The following PI4KA variants were observed in gnomAD, a reference collection of about 807,000 sequenced individuals.
PI4KA encodes phosphatidylinositol 4-kinase alpha, also known as PI4-kinase alpha.
In PI4KA, 122 loss-of-function variants were observed where a neutral mutation model predicts 271.4. That is an observed-to-expected ratio of 0.45 (90% CI 0.39 to 0.52). The LOEUF is 0.52. Ranked by LOEUF, PI4KA falls within the 20% of genes least tolerant of loss-of-function variation. The pLI is 0.00. For synonymous variants in PI4KA, 1,041 were observed against 1,078.8 expected, an observed-to-expected ratio of 0.96 and a Z score of 0.69; for missense variants, 1,969 against 2,769.1, an observed-to-expected ratio of 0.71 and a Z score of 6.48.
chr22:20,798,400 T>C, intron 17 of PI4KA, 184 bp downstream of exon 17: 1 of 583,666 alleles, frequency 1.7e-6, no homozygotes, highest in Non-Finnish European at 3.1e-6. Flanking sequence ...GCTGAGATGC[T>C]CAGTGGTCAC....
intron 1 of PI4KA, among the ~76,000 whole-genome samples, chr22:20,849,971 G>C (rs956973050): frequency 1.3e-4 from 20 of 152,180 alleles, no homozygotes; most frequent in African/African-American, 4.8e-4. Flanking sequence ...TGGTTGTCTA[G>C]GGATGGGGCT....
intron 42 of PI4KA, among the ~76,000 whole-genome samples, chr22:20,722,823 C>T (rs113620598): frequency 2.0e-5 from 3 of 152,306 alleles, no homozygotes; most frequent in Admixed American, 6.5e-5. Flanking sequence ...GAAGTCTTCA[C>T]TTTGGGTTTC....
At chr22:20,830,279 T>C (rs1359328433) in intron 3 of PI4KA, among the ~76,000 whole-genome samples, 1 of 152,250 alleles carries the variant, frequency 6.6e-6, no homozygotes, top group African/African-American at 2.4e-5. Flanking sequence ...AGCCTCTTCA[T>C]AGGTCTCTAA....
chr22:20,760,402 G>A (rs983446565), intron 23 of PI4KA, among the ~76,000 whole-genome samples: 2 of 152,112 alleles, frequency 1.3e-5, no homozygotes, highest in African/African-American at 4.8e-5. Flanking sequence ...TGGCCAAAAA[G>A]TGCTTATACG....
chr22:20,713,083 CGG>C (rs1925520324), intron 48 of PI4KA, 196 bp downstream of exon 48: 1 of 694,272 alleles, frequency 1.4e-6, no homozygotes, highest in Non-Finnish European at 2.5e-6. Flanking sequence ...ACTGGCATGG[CGG>C]GGACAGTGGG....
intron 1 of PI4KA, among the ~76,000 whole-genome samples, chr22:20,852,686 A>G (rs1279924557): frequency 1.3e-5 from 2 of 152,120 alleles, no homozygotes; most frequent in African/African-American, 4.8e-5. Flanking sequence ...TTCTTAACAT[A>G]GCCTCACAAA....
intron 24 of PI4KA, 21 bp downstream of exon 24, chr22:20,753,089 A>T (rs767447101): frequency 6.2e-7 from 1 of 1,614,052 alleles, no homozygotes; most frequent in Non-Finnish European, 8.5e-7. Context: ...ACAGACACGC[A>T]TTCATGCTGG....
chr22:20,715,865 A>G (rs1434529255), intron 45 of PI4KA, among the ~76,000 whole-genome samples: 3 of 152,042 alleles, frequency 2.0e-5, no homozygotes, highest in Admixed American at 6.5e-5. Context: ...TAACAGCTAC[A>G]ATACCTAATG....
intron 47 of PI4KA, 105 bp downstream of exon 47, chr22:20,714,353 C>T (rs1400582835): frequency 4.6e-5 from 69 of 1,501,958 alleles, no homozygotes; most frequent in Non-Finnish European, 5.8e-5. Context: ...GGACAGACAT[C>T]ATCTTTTATG....
At chr22:20,714,992 A>C (rs1457520549) in intron 45 of PI4KA, among the ~76,000 whole-genome samples, 1 of 151,822 alleles carries the variant, frequency 6.6e-6, no homozygotes, top group African/African-American at 2.4e-5. Flanking sequence ...ATACAGCCCT[A>C]CTGCTTCTGG....
intron 19 of PI4KA, among the ~76,000 whole-genome samples, chr22:20,778,796 C>CCA (rs1361174879): frequency 2.0e-5 from 3 of 152,146 alleles, no homozygotes. Context: ...CTGGGCACTT[C>CCA]CACTCCTACC....
chr22:20,830,576 T>C lies in PI4KA; in HGVS notation c.367+3986A>G, dbSNP rs186771472. Among the ~76,000 whole-genome samples, 15 of 152,286 alleles carry C rather than the reference T, an allele frequency of 9.8e-5. No individual in the cohort carries two copies. The East Asian group carries it at 1.7e-3, about 18-fold the overall frequency. On this transcript the variant is annotated intron_variant, in intron 3 of 54. Transcript: ENST00000255882. ...TTGGTCTCTTAAAGACAGCATACCATTGGGTCTTGCTTCTTTATCCAATTT... is the reference window on the plus strand; with the variant it reads ...TTGGTCTCTTAAAGACAGCATACCACTGGGTCTTGCTTCTTTATCCAATTT...
intron 6 of PI4KA, among the ~76,000 whole-genome samples, 177 bp from the exon 7 acceptor site, chr22:20,818,726 C>G (rs1046578744): frequency 3.9e-5 from 6 of 152,172 alleles, no homozygotes; most frequent in Non-Finnish European, 2.9e-5. Context: ...TGCTATATCA[C>G]TAAATTCTTT....
At chr22:20,722,250 A>G (rs968338962) in intron 42 of PI4KA, among the ~76,000 whole-genome samples, 1 of 152,114 alleles carries the variant, frequency 6.6e-6, no homozygotes, top group African/African-American at 2.4e-5. Context: ...GCAGTGGTAC[A>G]ATCTCAGCTC....
At chr22:20,831,098 GTAA>G (rs1924105459) in intron 3 of PI4KA, among the ~76,000 whole-genome samples, 1 of 152,110 alleles carries the variant, frequency 6.6e-6, no homozygotes, top group Admixed American at 6.6e-5. Context: ...GTAGTGGTTG[GTAA>G]TAATCTTTCC....
At chr22:20,716,773 G>C (rs1324625226) in intron 45 of PI4KA, among the ~76,000 whole-genome samples, 1 of 152,244 alleles carries the variant, frequency 6.6e-6, no homozygotes, top group Non-Finnish European at 1.5e-5. Flanking sequence ...CGGGAACAGA[G>C]GCCCTGCATA....
At chr22:20,849,303 A>C (rs1002577854) in intron 1 of PI4KA, among the ~76,000 whole-genome samples, 55 of 152,336 alleles carry the variant, frequency 3.6e-4, no homozygotes, top group African/African-American at 1.2e-3. Context: ...CTAAAGGTTA[A>C]ACCTAGAGTT....
At chr22:20,788,847 C>G (rs1569035682) in intron 19 of PI4KA, among the ~76,000 whole-genome samples, 1 of 152,228 alleles carries the variant, frequency 6.6e-6, no homozygotes, top group Non-Finnish European at 1.5e-5. Flanking sequence ...TATTTCTCAT[C>G]TTGCTGCAGC....
chr22:20,803,249 C>T lies in PI4KA; in HGVS notation c.1533G>A (p.Leu511=). The change falls in exon 13 of 55, where the codon CTG becomes CTA. Residue 511 remains leucine (L), a synonymous_variant. Coordinates refer to ENST00000255882, the MANE Select transcript of PI4KA (RefSeq NM_058004.4). ...HSVTPSLRDF[L]VIPSPVLVKL... ...TCACCAGAACTGGGGACGGGATGAC[C>T]AGGAAGTCTCGCAAGGACGGTGTCA... 2.5e-6 allele frequency: 4 copies of T among 1,614,096 alleles called. No individual in the cohort carries two copies. Among genetic ancestry groups the T allele is most frequent in the Non-Finnish European group, 3.4e-6 (4 of 1,180,004 alleles).
Sources: gnomAD v4.1 joint callset for allele counts (sites outside exome capture counted in the v4.1 genomes callset) on GRCh38, gnomAD v4.1.1 for gene constraint, MANE v1.5 for transcripts, NCBI Gene and HGNC (gene_info 2026-07-23, HGNC 2026-07-21) for gene names.